The following OLFM3 variants were observed in gnomAD, a reference collection of about 807,000 sequenced individuals.
OLFM3 encodes noelin-3.
A neutral mutation model predicts 48.6 loss-of-function variants in OLFM3; 20 were observed. The observed-to-expected ratio is 0.41, with a 90% confidence interval of 0.29 to 0.60. The LOEUF is 0.60. Among genes scored for constraint, OLFM3 ranks in the 20% least tolerant of loss-of-function variants. The pLI, the probability that OLFM3 is intolerant of heterozygous loss-of-function variation, is 0.28. For missense variants in OLFM3, 437 were observed against 544.3 expected (o/e 0.80, Z 1.96); for synonymous variants, 222 against 198.1 (o/e 1.12, Z -1.01).
At chr1:101,994,364 T>C (rs1661498613) in intron 1 of OLFM3, among the ~76,000 whole-genome samples, 1 of 151,046 alleles carries the variant, frequency 6.6e-6, no homozygotes, top group Admixed American at 6.6e-5. Flanking sequence ...TTATTTCTTA[T>C]TTGTCCAAAA....
In OLFM3 at chr1:101,894,435, C is replaced by T. The variant is rs111740809; in HGVS notation, c.70-57410G>A. Reference sequence around the variant, plus strand: ...TAAATATATACTGAGATTCATAAAACGGTAGATACCTAAATTATCTCATTT... The same window carrying T: ...TAAATATATACTGAGATTCATAAAATGGTAGATACCTAAATTATCTCATTT... On this transcript the variant is annotated intron_variant, in intron 1 of 5. Coordinates refer to ENST00000370103, the MANE Select transcript of OLFM3 (RefSeq NM_058170.4). Among the ~76,000 whole-genome samples, 173 of 152,124 alleles carry T rather than the reference C, an allele frequency of 1.1e-3. 1 individual carries two copies. Among genetic ancestry groups the T allele is most frequent in the Middle Eastern group, 3.5e-3 (1 of 288 alleles).
At chr1:101,816,486 GTGAGTGTC>G (rs1654344047) in intron 4 of OLFM3, among the ~76,000 whole-genome samples, 1 of 152,150 alleles carries the variant, frequency 6.6e-6, no homozygotes, top group South Asian at 2.1e-4. Flanking sequence ...ATTTTTGTGT[GTGAGTGTC>G]TGTCTGTTTT....
intron 4 of OLFM3, among the ~76,000 whole-genome samples, chr1:101,806,680 A>T (rs528769844): frequency 1.3e-5 from 2 of 151,900 alleles, no homozygotes; most frequent in South Asian, 4.2e-4. Flanking sequence ...ATAACTTTAC[A>T]GTCTATAAGA....
At chr1:101,913,947 C>T (rs1480664161) in intron 1 of OLFM3, among the ~76,000 whole-genome samples, 2 of 152,062 alleles carry the variant, frequency 1.3e-5, no homozygotes, top group Non-Finnish European at 2.9e-5. Flanking sequence ...TGTAAAACTC[C>T]AAATATATTA....
intron 1 of OLFM3, among the ~76,000 whole-genome samples, chr1:101,982,426 G>T (rs1010507916): frequency 1.3e-5 from 2 of 152,162 alleles, no homozygotes; most frequent in African/African-American, 4.8e-5. Flanking sequence ...TAAAGATAGA[G>T]AATATAGAGA....
chr1:101,899,334 A>G (rs1330255592), intron 1 of OLFM3, among the ~76,000 whole-genome samples: 1 of 152,190 alleles, frequency 6.6e-6, no homozygotes, highest in Non-Finnish European at 1.5e-5. Flanking sequence ...TCACAACATG[A>G]TAGCTTGTTT....
chr1:101,881,903 C>T (rs1252127204), intron 1 of OLFM3, among the ~76,000 whole-genome samples: 2 of 151,604 alleles, frequency 1.3e-5, no homozygotes, highest in Non-Finnish European at 2.9e-5. Flanking sequence ...TCTTTTTCCT[C>T]TTCCACCTCT....
chr1:101,837,397 G>C (rs1370545862), intron 1 of OLFM3, among the ~76,000 whole-genome samples: 2 of 151,964 alleles, frequency 1.3e-5, no homozygotes, highest in Non-Finnish European at 2.9e-5. Flanking sequence ...AACAGTAAAT[G>C]ACAATTACTA....
chr1:101,959,678 G>A (rs560780735), intron 1 of OLFM3, among the ~76,000 whole-genome samples: 2 of 152,204 alleles, frequency 1.3e-5, no homozygotes, highest in South Asian at 2.1e-4. Flanking sequence ...AGACAGAAAG[G>A]TGACTCAATC....
At chr1:101,865,603 A>G (rs1656828448) in intron 1 of OLFM3, among the ~76,000 whole-genome samples, 1 of 152,226 alleles carries the variant, frequency 6.6e-6, no homozygotes, top group Admixed American at 6.5e-5. Context: ...GTCATTCAGC[A>G]GCGCTTTGTG....
chr1:101,922,015 T>A (rs1659111190), intron 1 of OLFM3, among the ~76,000 whole-genome samples: 1 of 151,728 alleles, frequency 6.6e-6, no homozygotes, highest in South Asian at 2.1e-4. Flanking sequence ...GCAGAGATAG[T>A]GACACTGCAC....
chr1:101,893,331 G>T, intron 1 of OLFM3: 1 of 383,794 alleles, frequency 2.6e-6, no homozygotes, highest in South Asian at 2.5e-5. Context: ...ATAGAACCCG[G>T]AATAGCTCAG....
chr1:101,934,537 C>T (rs1053553451), intron 1 of OLFM3, among the ~76,000 whole-genome samples: 3 of 152,094 alleles, frequency 2.0e-5, no homozygotes, highest in African/African-American at 7.2e-5. Flanking sequence ...ATTTAAACAT[C>T]TTACTGACCA....
intron 1 of OLFM3, among the ~76,000 whole-genome samples, chr1:101,941,297 C>T (rs1204454741): frequency 6.6e-6 from 1 of 152,048 alleles, no homozygotes; most frequent in African/African-American, 2.4e-5. Context: ...TGAAAAGCAG[C>T]AGTATAATAA....
chr1:101,987,362 T>C (rs576509160), intron 1 of OLFM3, among the ~76,000 whole-genome samples: 1 of 152,198 alleles, frequency 6.6e-6, no homozygotes, highest in Non-Finnish European at 1.5e-5. Context: ...CTGTTTCTAG[T>C]ACCCAACTTA....
chr1:101,910,152 T>C (rs1398053811), intron 1 of OLFM3: 2 of 985,090 alleles, frequency 2.0e-6, no homozygotes, highest in Non-Finnish European at 2.4e-6. Flanking sequence ...AAGATGTTTA[T>C]CGAGTATCTA....
intron 1 of OLFM3, among the ~76,000 whole-genome samples, chr1:101,916,702 C>T (rs959147509): frequency 3.3e-5 from 5 of 152,136 alleles, no homozygotes; most frequent in African/African-American, 9.7e-5. Flanking sequence ...TGAATCTGTA[C>T]TGATTGTCAT....
chr1:101,927,644 T>C lies in OLFM3; in HGVS notation c.69+69104A>G, dbSNP rs193121163. Reference sequence around the variant, plus strand: ...ATTAACTACTATCACTTAGTCATTATGCTAAATATTAACATTTTAATAATA... The same window carrying C: ...ATTAACTACTATCACTTAGTCATTACGCTAAATATTAACATTTTAATAATA... On this transcript the variant is annotated intron_variant, in intron 1 of 5. Coordinates refer to ENST00000370103, the MANE Select transcript of OLFM3 (RefSeq NM_058170.4). Among the ~76,000 whole-genome samples, 1,037 of 151,672 alleles carry C rather than the reference T, an allele frequency of 6.8e-3. 12 individuals are homozygous for C. Among genetic ancestry groups the C allele is most frequent in the African/African-American group, 0.023 (972 of 41,520 alleles).
intron 1 of OLFM3, among the ~76,000 whole-genome samples, chr1:101,957,237 T>C (rs553040635): frequency 6.6e-6 from 1 of 152,168 alleles, no homozygotes; most frequent in East Asian, 1.9e-4. Context: ...GGAGTCAGTC[T>C]CATATCTATA....
Sources: allele counts gnomAD v4.1 joint callset (sites outside exome capture counted in the v4.1 genomes callset), GRCh38; gene constraint gnomAD v4.1.1; transcripts MANE v1.5; gene names NCBI Gene and HGNC (gene_info 2026-07-23, HGNC 2026-07-21).